The following INPPL1 variants were observed in gnomAD, a reference collection of about 807,000 sequenced individuals.
INPPL1 encodes the protein inositol polyphosphate phosphatase like 1.
In INPPL1, 91 loss-of-function variants were observed where a neutral mutation model predicts 139.3. That is an observed-to-expected ratio of 0.65 (90% CI 0.55 to 0.78). The LOEUF (loss-of-function observed/expected upper bound fraction) is 0.78. INPPL1 is among the 30% of genes least tolerant of loss of function. The pLI is 0.00. For missense variants in INPPL1, 1,411 were observed against 1,665.6 expected (o/e 0.85, Z 2.66); for synonymous variants, 719 against 686.6 (o/e 1.05, Z -0.74).
In INPPL1 at chr11:72,228,374, C is replaced by T. The variant is rs1320767759; in HGVS notation, c.273C>T (p.Arg91=). 1.2e-6 allele frequency: 2 copies of T among 1,613,392 alleles called. No homozygotes were observed. Among genetic ancestry groups the T allele is most frequent in the Non-Finnish European group, 1.7e-6 (2 of 1,179,992 alleles). The change falls in exon 3 of 28, where the codon CGC becomes CGT. Residue 91 remains arginine, a synonymous_variant. Transcript: ENST00000298229. The surrounding 1 kb of genome is among the most constrained non-coding windows in gnomAD (Gnocchi z 5.0). ...CCTCGCAGGGTGTGCCTGTGCGCCG[C>T]TTCCAGACCCTGGGTGAGCTCATCG... ...VQTSQGVPVR[R]FQTLGELIGL...
rs2135432143 is a variant in INPPL1, at chr11:72,232,237, C to T, written c.1616-3C>T. 1 of 1,553,816 alleles carries T rather than the reference C, an allele frequency of 6.4e-7. No individual in the cohort carries two copies. The highest frequency in any genetic ancestry group is 8.7e-7 in the Non-Finnish European group (1 of 1,147,808). Reference sequence around the variant, plus strand: ...GGCCTTCCTCTCTTGCTTGCCTTAACAGGGAACAAGGGGGCTGTGGGCGTC... The same window carrying T: ...GGCCTTCCTCTCTTGCTTGCCTTAATAGGGAACAAGGGGGCTGTGGGCGTC... On this transcript the variant is annotated splice_region_variant and splice_polypyrimidine_tract_variant and intron_variant, in intron 13 of 27. Transcript: ENST00000298229.
At chr11:72,225,980 T>C (rs1464097704) in intron 1 of INPPL1, among the ~76,000 whole-genome samples, 1 of 152,074 alleles carries the variant, frequency 6.6e-6, no homozygotes, top group Non-Finnish European at 1.5e-5. Flanking sequence ...AGTCTGACAT[T>C]GAGTTGGCTT....
In INPPL1 at chr11:72,237,790, A is replaced by G. The variant is rs1949035787; in HGVS notation, c.3546A>G (p.Ala1182=). 1 of 1,603,042 alleles carries G rather than the reference A, an allele frequency of 6.2e-7. No individual in the cohort carries two copies. Among genetic ancestry groups the G allele is most frequent in the African/African-American group, 1.3e-5 (1 of 74,688 alleles). The change falls in exon 26 of 28, where the codon GCA becomes GCG. Residue 1182 remains alanine (A), a synonymous_variant. Coordinates refer to ENST00000298229, the MANE Select transcript of INPPL1 (RefSeq NM_001567.4). ...GGGAGAGCATCCAGGAAGACCTGGCAGAGGAGGTGTGTGGAGCAGGGTGGC... is the reference window on the plus strand; with the variant it reads ...GGGAGAGCATCCAGGAAGACCTGGCGGAGGAGGTGTGTGGAGCAGGGTGGC... ...RIRESIQEDL[A]EEAPCLQGGR...
chr11:72,232,524 C>G (rs1442108783), intron 14 of INPPL1, 102 bp from the exon 15 acceptor site: 3 of 1,448,158 alleles, frequency 2.1e-6, no homozygotes, highest in Non-Finnish European at 2.8e-6. Flanking sequence ...GGATCTTTAC[C>G]CCATCCCTGA....
At position 72,237,703 on chromosome 11, in the gene INPPL1, GC is replaced by G. The variant is rs760925109; in HGVS notation, c.3466del (p.Arg1156GlyfsTer46). ...TCCTCCCAGGCCCCCTGGAGCTGCAGCCCCCCCGGGGACTGCCCTCGGACTA... is the reference window on the plus strand; with the variant it reads ...TCCTCCCAGGCCCCCTGGAGCTGCAGCCCCCCGGGGACTGCCCTCGGACTA... ...ALLPGPLELQ[P>X]PRGLPSDYGR... is the part of the protein sequence containing the mutation. On this transcript the variant is annotated frameshift_variant, in exon 26 of 28. Transcript: ENST00000298229. LOFTEE classifies it high-confidence loss of function. 5 of 1,611,304 alleles carry G rather than the reference GC, an allele frequency of 3.1e-6. No individual in the cohort carries two copies. Among genetic ancestry groups the G allele is most frequent in the Non-Finnish European group, 4.2e-6 (5 of 1,179,226 alleles).
intron 13 of INPPL1, 133 bp downstream of exon 13, chr11:72,231,748 A>C: frequency 1.4e-6 from 1 of 693,196 alleles, no homozygotes. Context: ...TGAACTTTGA[A>C]AAACATATTC....
At position 72,235,645 on chromosome 11, in the gene INPPL1, T is replaced by C. The variant is rs1174509161; in HGVS notation, c.2660-30T>C. On this transcript the variant is annotated intron_variant, in intron 23 of 27. Coordinates refer to ENST00000298229, the MANE Select transcript of INPPL1 (RefSeq NM_001567.4). This position sits in a 1 kb window ranked among gnomAD's most constrained non-coding sequence, Gnocchi z 4.9. ...TCTGTGGGATCCAGGAGCCCAGGTC[T>C]CCTCTGAGTCTCCCTTCCTGCCCCC... 1.2e-6 allele frequency: 2 copies of C among 1,610,254 alleles called. No individual in the cohort carries two copies. The highest frequency in any genetic ancestry group is 2.7e-5 in the African/African-American group (2 of 74,784).
At position 72,230,355 on chromosome 11, in the gene INPPL1, G is replaced by A; in HGVS notation, c.1091-7G>A. 1 of 1,614,006 alleles carries A rather than the reference G, an allele frequency of 6.2e-7. No homozygotes were observed. Among genetic ancestry groups the A allele is most frequent in the Non-Finnish European group, 8.5e-7 (1 of 1,180,014 alleles). On this transcript the variant is annotated splice_region_variant and splice_polypyrimidine_tract_variant and intron_variant, in intron 9 of 27. Transcript: ENST00000298229. ...CAGGCCCATGTGACCGGTCCTCCAT[G>A]CCCTAGTCCGCCAGCTCATTAAGTC... is the stretch of plus-strand genomic sequence containing the variant.
chr11:72,232,597 C>CCCT (rs754362028), intron 14 of INPPL1, 29 bp from the exon 15 acceptor site: 7 of 1,609,416 alleles, frequency 4.3e-6, no homozygotes, highest in Admixed American at 3.3e-5. Context: ...GGGGATCTAC[C>CCCT]CCTCCCCACC....
At chr11:72,225,849 C>T (rs1226492704) in intron 1 of INPPL1, among the ~76,000 whole-genome samples, 1 of 152,210 alleles carries the variant, frequency 6.6e-6, no homozygotes, top group Non-Finnish European at 1.5e-5. Context: ...CTTGGTGCTT[C>T]TCTGAGTGGG....
At position 72,231,155 on chromosome 11, in the gene INPPL1, G is replaced by C; in HGVS notation, c.1463G>C (p.Gly488Ala). 6.2e-7 allele frequency: 1 copy of C among 1,613,384 alleles called. No individual in the cohort carries two copies. Among genetic ancestry groups the C allele is most frequent in the Non-Finnish European group, 8.5e-7 (1 of 1,179,964 alleles). The change falls in exon 12 of 28, where the codon GGC becomes GCC. Residue 488 changes from glycine to alanine, a missense_variant. By Grantham distance (60) the Gly-to-Ala change is moderately conservative. Transcript: ENST00000298229. ...GAGTGGCTGGACCTACTGCGCGGGG[G>C]CCTCAAGGAGCTTACGGATCTGGAT... ...DREWLDLLRGGLKELTDLDYR... is the reference protein window; with the variant it reads ...DREWLDLLRGALKELTDLDYR...
At chr11:72,227,974 G>GCATTAAAAA in intron 1 of INPPL1, 3 of 506,466 alleles carry the variant, frequency 5.9e-6, no homozygotes, top group South Asian at 2.8e-5. Context: ...CTGGTGGGGA[G>GCATTAAAAA]ACGGGGGTGT....
At position 72,235,336 on chromosome 11, in the gene INPPL1, G is replaced by A. The variant is rs1413066629; in HGVS notation, c.2544G>A (p.Thr848=). The A allele has an allele frequency of 3.1e-6, 5 of 1,614,056 alleles. No homozygotes were observed. Among genetic ancestry groups the A allele is most frequent in the East Asian group, 2.2e-5 (1 of 44,876 alleles). The change falls in exon 23 of 28, where the codon ACG becomes ACA. Residue 848 remains threonine, a synonymous_variant. Coordinates refer to ENST00000298229, the MANE Select transcript of INPPL1 (RefSeq NM_001567.4). The surrounding 1 kb of genome is among the most constrained non-coding windows in gnomAD (Gnocchi z 4.9). The part of the protein sequence containing the change: ...VVALKSMIGS[T]AQQFLTFLSH... ...CACTCAAATCCATGATCGGCAGCACGGCCCAACAGTTCCTGACCTTCCTAT... is the reference window on the plus strand; with the variant it reads ...CACTCAAATCCATGATCGGCAGCACAGCCCAACAGTTCCTGACCTTCCTAT...
In INPPL1 at chr11:72,235,369, T is replaced by A. The variant is rs566879091; in HGVS notation, c.2577T>A (p.Arg859=). ...AQQFLTFLSH[R]GEETGNIRGS... is the part of the protein sequence containing the mutation. Reference sequence around the variant, plus strand: ...AGTTCCTGACCTTCCTATCCCACCGTGGCGAGGAGACAGGCAATATCAGAG... The same window carrying A: ...AGTTCCTGACCTTCCTATCCCACCGAGGCGAGGAGACAGGCAATATCAGAG... Residue 859 remains arginine, a synonymous_variant, in exon 23 of 28, where the codon CGT becomes CGA. Coordinates refer to ENST00000298229, the MANE Select transcript of INPPL1 (RefSeq NM_001567.4). This position sits in a 1 kb window ranked among gnomAD's most constrained non-coding sequence, Gnocchi z 4.9. The A allele has an allele frequency of 1.1e-5, 18 of 1,614,006 alleles. No homozygotes were observed. Among genetic ancestry groups the A allele is most frequent in the Non-Finnish European group, 1.4e-5 (17 of 1,179,988 alleles).
At position 72,229,462 on chromosome 11, in the gene INPPL1, T is replaced by C. The variant is rs749022309; in HGVS notation, c.660-3T>C. 6.2e-7 allele frequency: 1 copy of C among 1,613,818 alleles called. No individual in the cohort carries two copies. The highest frequency in any genetic ancestry group is 8.5e-7 in the Non-Finnish European group (1 of 1,179,712). On this transcript the variant is annotated splice_polypyrimidine_tract_variant and splice_region_variant and intron_variant, in intron 5 of 27. Transcript: ENST00000298229. ...AGTTCTTTTGATCTGATGTCTTCCCTAGTGAGGTGGACAAGGTCCTGTCAG... is the reference window on the plus strand; with the variant it reads ...AGTTCTTTTGATCTGATGTCTTCCCCAGTGAGGTGGACAAGGTCCTGTCAG...
At position 72,231,201 on chromosome 11, in the gene INPPL1, T is replaced by A. The variant is rs777832558; in HGVS notation, c.1497+12T>A. On this transcript the variant is annotated intron_variant, in intron 12 of 27. Transcript: ENST00000298229. ...TGGATTACCGCCCGGTGAGGGGGGG[T>A]CATCTTGTCCAGGACCCTGTCCTCA... 2.3e-5 allele frequency: 37 copies of A among 1,603,690 alleles called. 1 individual carries two copies. The South Asian group carries it at 4.0e-4, about 17-fold the overall frequency.
chr11:72,224,156 G>A (rs1948597708), upstream of INPPL1, among the ~76,000 whole-genome samples: 1 of 152,100 alleles, frequency 6.6e-6, no homozygotes, highest in Admixed American at 6.5e-5. Context: ...GCTCGAGAAC[G>A]TCGCACCTCG....
Position 72,237,853 on chromosome 11 carries a change from G to A in INPPL1, c.3552+57G>A. 2.6e-6 allele frequency: 4 copies of A among 1,526,248 alleles called. No individual in the cohort carries two copies. The South Asian group carries it at 3.8e-5, about 14-fold the overall frequency. 94.5% of individuals were successfully genotyped at this position (1,526,248 alleles called of 1,614,324 possible). ...CCTGAGTGTGCTTGCCCACAGACTG[G>A]TACCCTTTCACTCCACCATTCAGCA... On this transcript the variant is annotated intron_variant, in intron 26 of 27. Coordinates refer to ENST00000298229, the MANE Select transcript of INPPL1 (RefSeq NM_001567.4).
chr11:72,230,126 G>A lies in INPPL1; in HGVS notation c.945G>A (p.Lys315=). The change falls in exon 9 of 28, where the codon AAG becomes AAA. Residue 315 remains lysine, a synonymous_variant. Transcript: ENST00000298229. Reference sequence around the variant, plus strand: ...CCTCCCCACCTGGCCTACAGGTGAAGCTAGATGTGACCCTGGGTGACCTGA... The same window carrying A: ...CCTCCCCACCTGGCCTACAGGTGAAACTAGATGTGACCCTGGGTGACCTGA... ...KTIPVQAFEV[K]LDVTLGDLTK... 1.9e-6 allele frequency: 3 copies of A among 1,610,612 alleles called. No homozygotes were observed. The highest frequency in any genetic ancestry group is 1.7e-6 in the Non-Finnish European group (2 of 1,177,368).
Sources: gnomAD v4.1 joint callset for allele counts (sites outside exome capture counted in the v4.1 genomes callset) on GRCh38, gnomAD v4.1.1 for gene constraint, Gnocchi (gnomAD v3.1) non-coding constraint, MANE v1.5 for transcripts, NCBI Gene and HGNC (gene_info 2026-07-23, HGNC 2026-07-21) for gene names.